Variants in KLF4 observed in about 807,000 individuals in gnomAD.
KLF4 encodes the protein Krueppel-like factor 4.
Under a neutral mutation model 38.0 loss-of-function variants are expected in KLF4, and 14 were observed. The observed-to-expected ratio is 0.37, with a 90% CI of 0.24 to 0.58. The LOEUF (loss-of-function observed/expected upper bound fraction) is 0.58, where lower values mean the gene tolerates loss of function less well. Ranked by LOEUF, KLF4 falls within the 20% of genes least tolerant of loss-of-function variation. The probability of loss-of-function intolerance (pLI) is 0.76; values close to 1 mark genes in which losing one functional copy is unlikely to be tolerated. For missense variants in KLF4, 737 were observed against 670.1 expected (o/e 1.10, Z -1.10); for synonymous variants, 398 against 302.5 (o/e 1.32, Z -3.28).
rs773099650 is a variant in KLF4, at chr9:107,487,582, G to T, written c.812C>A (p.Pro271Gln). The T allele has an allele frequency of 6.3e-6, 10 of 1,579,066 alleles. No homozygotes were observed. The East Asian group carries it at 2.0e-4, about 32-fold the overall frequency. Residue 271 changes from proline to glutamine, a missense_variant, in exon 3 of 5, where the codon CCG becomes CAG. This residue lies in a region of KLF4 where 695 missense variants were observed against 554.5 expected (regional missense o/e 1.25). Coordinates refer to ENST00000374672, the MANE Select transcript of KLF4 (RefSeq NM_004235.6). The surrounding 1 kb of genome is among the most constrained non-coding windows in gnomAD (Gnocchi z 6.1). ...CTGCTTGATCTTGGGGCACGTGCGCGGCGGCCCGCCGTTGTAGGGCGCCAC... is the reference window on the plus strand; with the variant it reads ...CTGCTTGATCTTGGGGCACGTGCGCTGCGGCCCGCCGTTGTAGGGCGCCAC... The part of the protein sequence containing the change: ...VVVAPYNGGP[P>Q]RTCPKIKQEA...
rs1055601652 is a variant in KLF4, at chr9:107,487,143, C to T, written c.1149G>A (p.Arg383=). 1 of 1,614,080 alleles carries T rather than the reference C, an allele frequency of 6.2e-7. No individual in the cohort carries two copies. The highest frequency in any genetic ancestry group is 8.5e-7 in the Non-Finnish European group (1 of 1,180,048). ...SCMPEEPKPK[R]GRRSWPRKRT... is the part of the protein sequence containing the mutation. ...TTTTCCGGGGCCACGATCGTCTTCC[C>T]CTCTTTGGCTTGGGCTCCTCTGGCA... is the stretch of plus-strand genomic sequence containing the variant. Residue 383 remains arginine, a synonymous_variant, in exon 4 of 5, where the codon AGG becomes AGA. Coordinates refer to ENST00000374672, the MANE Select transcript of KLF4 (RefSeq NM_004235.6). This position sits in a 1 kb window ranked among gnomAD's most constrained non-coding sequence, Gnocchi z 6.1.
In KLF4 at chr9:107,487,444, G is replaced by A; in HGVS notation, c.950C>T (p.Pro317Leu). The A allele has an allele frequency of 6.6e-7, 1 of 1,524,848 alleles. No homozygotes were observed. Among genetic ancestry groups the A allele is most frequent in the Non-Finnish European group, 8.8e-7 (1 of 1,137,978 alleles). 94.5% of individuals were successfully genotyped at this position (1,524,848 alleles called of 1,614,324 possible). The stretch of plus-strand genomic sequence containing the variant: ...CAGCACTTCCTCAAGACCCAGGGTC[G>A]GGGTAGTCCTGCTGGGGAGCTGCCG... Reference protein sequence around the residue: ...LGRQLPSRTTPTLGLEEVLSS... With the variant: ...LGRQLPSRTTLTLGLEEVLSS... The change falls in exon 3 of 5, where the codon CCG (proline) becomes CTG (leucine). Residue 317 changes from proline (P) to leucine (L), a missense_variant. By Grantham distance (98) the Pro-to-Leu change is moderately conservative. Transcript: ENST00000374672. This position sits in a 1 kb window ranked among gnomAD's most constrained non-coding sequence, Gnocchi z 6.1.
intron 4 of KLF4, among the ~76,000 whole-genome samples, chr9:107,486,820 A>G (rs377324492): frequency 1.9e-4 from 29 of 152,184 alleles, no homozygotes; most frequent in East Asian, 1.2e-3. Flanking sequence ...GCAGAAAAGT[A>G]GGCGCCGGTT....
rs45493894 is a variant in KLF4 at position 107,485,966 on chromosome 9, A to G, written c.1265-40T>C. Reference sequence around the variant, plus strand: ...GAAAAAAAAAATTGACGCTATTGCTATATCAAAGAATCGCCCCTTTTAAAA... The same window carrying G: ...GAAAAAAAAAATTGACGCTATTGCTGTATCAAAGAATCGCCCCTTTTAAAA... On this transcript the variant is annotated intron_variant, in intron 4 of 4. Coordinates refer to ENST00000374672, the MANE Select transcript of KLF4 (RefSeq NM_004235.6). This position sits in a 1 kb window ranked among gnomAD's most constrained non-coding sequence, Gnocchi z 4.9. The G allele has an allele frequency of 2.1e-4, 331 of 1,575,752 alleles. 2 individuals are homozygous for G. In the African/African-American group the frequency reaches 4.1e-3, roughly 19 times the overall value.
At position 107,487,363 on chromosome 9, in the gene KLF4, G is replaced by C; in HGVS notation, c.1031C>G (p.Pro344Arg). 6.5e-7 allele frequency: 1 copy of C among 1,541,792 alleles called. No homozygotes were observed. The highest frequency in any genetic ancestry group is 8.7e-7 in the Non-Finnish European group (1 of 1,145,456). The change falls in exon 3 of 5, where the codon CCG (proline) becomes CGG (arginine). Residue 344 changes from proline (P) to arginine (R), a missense_variant. By Grantham distance (103) the Pro-to-Arg change is moderately radical. Coordinates refer to ENST00000374672, the MANE Select transcript of KLF4 (RefSeq NM_004235.6). This position sits in a 1 kb window ranked among gnomAD's most constrained non-coding sequence, Gnocchi z 6.1. Reference sequence around the variant, plus strand: ...CAGGAAGGATGGGTAATTGGGCCCCGGGTGGGGATGGAAGCCGGGAGGAAG... The same window carrying C: ...CAGGAAGGATGGGTAATTGGGCCCCCGGTGGGGATGGAAGCCGGGAGGAAG... ...LPLPPGFHPH[P>R]GPNYPSFLPD... is the part of the protein sequence containing the mutation.
rs1435609328 is a variant in KLF4 at position 107,488,035 on chromosome 9, A to C, written c.359T>G (p.Val120Gly). ...CGCTGACGAGGACACGGTGGCGGCC[A>C]CTGACTCCGGAGGATGGGTCAGCGA... Reference protein sequence around the residue: ...SNSLTHPPESVAATVSSSASA... With the variant: ...SNSLTHPPESGAATVSSSASA... The change falls in exon 3 of 5, where the codon GTG becomes GGG. Residue 120 changes from valine to glycine, a missense_variant. Physicochemically the swap from Val to Gly is moderately radical, Grantham distance 109 (BLOSUM62 -3). This residue lies in a region of KLF4 where 695 missense variants were observed against 554.5 expected (regional missense o/e 1.25). Coordinates refer to ENST00000374672, the MANE Select transcript of KLF4 (RefSeq NM_004235.6). The surrounding 1 kb of genome is among the most constrained non-coding windows in gnomAD (Gnocchi z 5.7). 2.5e-6 allele frequency: 4 copies of C among 1,610,796 alleles called. No homozygotes were observed. The highest frequency in any genetic ancestry group is 3.4e-6 in the Non-Finnish European group (4 of 1,179,058).
Position 107,488,653 on chromosome 9 carries a change from C to A in KLF4, c.126+277G>T, listed in dbSNP as rs45563138. On this transcript the variant is annotated intron_variant, in intron 2 of 4. Transcript: ENST00000374672. This position sits in a 1 kb window ranked among gnomAD's most constrained non-coding sequence, Gnocchi z 5.7. ...CCAGTGTCTGGGGACGCGGCCACCT[C>A]CCGCCCGGTGGCCCGAGAGCGCCCG... Among the ~76,000 whole-genome samples, 363 of 152,302 alleles carry A rather than the reference C, an allele frequency of 2.4e-3. 1 individual carries two copies. The highest frequency in any genetic ancestry group is 8.0e-3 in the African/African-American group (332 of 41,592).
At position 107,489,634 on chromosome 9, in the gene KLF4, G is replaced by C. The variant is rs1329627258; in HGVS notation, c.-462C>G. On this transcript the variant is annotated 5_prime_UTR_variant, in exon 1 of 5. Coordinates refer to ENST00000374672, the MANE Select transcript of KLF4 (RefSeq NM_004235.6). ...GCGCGCGGCCATGGGCGCGGGCCAC[G>C]GGCGGGTGGGAGGGTGGGGGGCCAG... The C allele has an allele frequency of 6.2e-6, 1 of 161,246 alleles. No homozygotes were observed. The highest frequency in any genetic ancestry group is 7.3e-5 in the Admixed American group (1 of 13,700). The allele number at this position is 161,246 out of a possible 1,614,324, so 10.0% of individuals were successfully genotyped here.
At position 107,487,899 on chromosome 9, in the gene KLF4, G is replaced by T. The variant is rs781555198; in HGVS notation, c.495C>A (p.Gly165=). ...RAGNDPGVAP[G]GTGGGLLYGR... is the part of the protein sequence containing the mutation. ...CATAGAGGAGGCCTCCGCCCGTGCCGCCCGGCGCCACGCCCGGGTCGTTCC... is the reference window on the plus strand; with the variant it reads ...CATAGAGGAGGCCTCCGCCCGTGCCTCCCGGCGCCACGCCCGGGTCGTTCC... Residue 165 remains glycine, a synonymous_variant, in exon 3 of 5, where the codon GGC becomes GGA. Transcript: ENST00000374672. The surrounding 1 kb of genome is among the most constrained non-coding windows in gnomAD (Gnocchi z 6.1). 5.3e-5 allele frequency: 83 copies of T among 1,561,096 alleles called. No homozygotes were observed. Among genetic ancestry groups the T allele is most frequent in the Non-Finnish European group, 7.0e-5 (81 of 1,153,832 alleles).
chr9:107,485,111 A>C lies in KLF4; in HGVS notation c.*640T>G, dbSNP rs1829037835. 5.0e-6 allele frequency: 1 copy of C among 199,934 alleles called. No homozygotes were observed. The highest frequency in any genetic ancestry group is 2.3e-5 in the African/African-American group (1 of 43,476). 12.4% of individuals were successfully genotyped at this position (199,934 alleles called of 1,614,324 possible). ...CCACAGTGCATAACAGACTGTCTGCATAAAAATGCTAAAGAAGTAAACCAG... is the reference window on the plus strand; with the variant it reads ...CCACAGTGCATAACAGACTGTCTGCCTAAAAATGCTAAAGAAGTAAACCAG... On this transcript the variant is annotated 3_prime_UTR_variant, in exon 5 of 5. Coordinates refer to ENST00000374672, the MANE Select transcript of KLF4 (RefSeq NM_004235.6). The surrounding 1 kb of genome is among the most constrained non-coding windows in gnomAD (Gnocchi z 4.9).
In KLF4 at chr9:107,485,657, G is replaced by A. The variant is rs1564293315; in HGVS notation, c.*94C>T. ...CTTGACCATGATTGTAGTGCTTTCT[G>A]GCTGGGCTCCTTCCCTCATCGGGAA... On this transcript the variant is annotated 3_prime_UTR_variant, in exon 5 of 5. Transcript: ENST00000374672. The surrounding 1 kb of genome is among the most constrained non-coding windows in gnomAD (Gnocchi z 4.9). 3 of 1,244,034 alleles carry A rather than the reference G, an allele frequency of 2.4e-6. No homozygotes were observed. In the South Asian group the frequency reaches 4.9e-5, roughly 20 times the overall value. The allele number at this position is 1,244,034 out of a possible 1,614,324, so 77.1% of individuals were successfully genotyped here. A position where few individuals can be genotyped will look rare whatever the true frequency, so the allele number is the denominator to read the frequency against.
chr9:107,489,166 A>C lies in KLF4; in HGVS notation c.5+2T>G. 2.6e-6 allele frequency: 4 copies of C among 1,525,058 alleles called. No individual in the cohort carries two copies. The highest frequency in any genetic ancestry group is 2.6e-6 in the Non-Finnish European group (3 of 1,132,956). The allele number at this position is 1,525,058 out of a possible 1,614,324, so 94.5% of individuals were successfully genotyped here. A position where few individuals can be genotyped will look rare whatever the true frequency, so the allele number is the denominator to read the frequency against. The stretch of plus-strand genomic sequence containing the variant: ...GCTCCCAGCGCCGCGCGCCTCACCT[A>C]CCTCATTAATGTGGGGGCCCAGAAG... On this transcript the variant is annotated splice_donor_variant, in intron 1 of 4. Transcript: ENST00000374672. LOFTEE classifies it high-confidence loss of function.
chr9:107,485,603 A>T lies in KLF4; in HGVS notation c.*148T>A. ...TTTGGATTCCTCATTTTTCCTGATT[A>T]TCCACTCACAAGATGACTCAGTTGG... On this transcript the variant is annotated 3_prime_UTR_variant, in exon 5 of 5. Coordinates refer to ENST00000374672, the MANE Select transcript of KLF4 (RefSeq NM_004235.6). This position sits in a 1 kb window ranked among gnomAD's most constrained non-coding sequence, Gnocchi z 4.9. 1 of 708,938 alleles carries T rather than the reference A, an allele frequency of 1.4e-6. No homozygotes were observed. The allele number at this position is 708,938 out of a possible 1,614,324, so 43.9% of individuals were successfully genotyped here. A position where few individuals can be genotyped will look rare whatever the true frequency, so the allele number is the denominator to read the frequency against.
chr9:107,487,209 T>C lies in KLF4; in HGVS notation c.1100-17A>G. 8.1e-6 allele frequency: 13 copies of C among 1,613,006 alleles called. No individual in the cohort carries two copies. The highest frequency in any genetic ancestry group is 1.1e-5 in the Non-Finnish European group (13 of 1,179,422). On this transcript the variant is annotated splice_polypyrimidine_tract_variant and intron_variant, in intron 3 of 4. Transcript: ENST00000374672. The surrounding 1 kb of genome is among the most constrained non-coding windows in gnomAD (Gnocchi z 6.1). ...GCATGAGCTCTAGGGGTGAAGAAGG[T>C]GGGGTGAGCATCATCCCGTGTGTCC...
rs1387839860 is a variant in KLF4 at position 107,487,776 on chromosome 9, T to C, written c.618A>G (p.Pro206=). The change falls in exon 3 of 5, where the codon CCA becomes CCG. Residue 206 remains proline (P), a synonymous_variant. Transcript: ENST00000374672. The surrounding 1 kb of genome is among the most constrained non-coding windows in gnomAD (Gnocchi z 6.1). The part of the protein sequence containing the change: ...SGGFVAELLR[P]ELDPVYIPPQ... ...GCGGAATGTACACCGGGTCCAATTC[T>C]GGCCGCAGGAGCTCGGCCACGAAGC... The C allele has an allele frequency of 6.4e-7, 1 of 1,550,406 alleles. No homozygotes were observed. The highest frequency in any genetic ancestry group is 1.2e-5 in the South Asian group (1 of 84,998).
In KLF4 at chr9:107,484,858, T is replaced by C; in HGVS notation, c.*893A>G. ...AAAACAATAAAAAACATTATTCAGA[T>C]AAAATATTATAGGTTTATTTAAAAC... On this transcript the variant is annotated 3_prime_UTR_variant, in exon 5 of 5. Coordinates refer to ENST00000374672, the MANE Select transcript of KLF4 (RefSeq NM_004235.6). The C allele has an allele frequency of 5.4e-6, 1 of 183,652 alleles. No homozygotes were observed. Among genetic ancestry groups the C allele is most frequent in the East Asian group, 8.8e-5 (1 of 11,336 alleles). The allele number at this position is 183,652 out of a possible 1,614,324, so 11.4% of individuals were successfully genotyped here.
In KLF4 at chr9:107,487,478, G is replaced by C. The variant is rs1221024853; in HGVS notation, c.916C>G (p.Pro306Ala). Residue 306 changes from proline (P) to alanine (A), a missense_variant, in exon 3 of 5, where the codon CCC (proline) becomes GCC (alanine). By Grantham distance (27) the Pro-to-Ala change is conservative. Coordinates refer to ENST00000374672, the MANE Select transcript of KLF4 (RefSeq NM_004235.6). This position sits in a 1 kb window ranked among gnomAD's most constrained non-coding sequence, Gnocchi z 6.1. ...NGHRPAAHDF[P>A]LGRQLPSRTT... ...CTGCTGGGGAGCTGCCGCCCCAGGG[G>C]GAAGTCGTGTGCAGCCGGCCGGTGG... 6.5e-7 allele frequency: 1 copy of C among 1,541,666 alleles called. No individual in the cohort carries two copies.
chr9:107,487,782 C>T lies in KLF4; in HGVS notation c.612G>A (p.Leu204=). The T allele has an allele frequency of 6.5e-7, 1 of 1,546,016 alleles. No individual in the cohort carries two copies. ...TGTACACCGGGTCCAATTCTGGCCG[C>T]AGGAGCTCGGCCACGAAGCCGCCCG... ...SPSGGFVAEL[L]RPELDPVYIP... Residue 204 remains leucine (L), a synonymous_variant, in exon 3 of 5, where the codon CTG becomes CTA. Transcript: ENST00000374672. The surrounding 1 kb of genome is among the most constrained non-coding windows in gnomAD (Gnocchi z 6.1).
Position 107,489,180 on chromosome 9 carries a change from G to T in KLF4, c.-8C>A. On this transcript the variant is annotated 5_prime_UTR_variant, in exon 1 of 5. Transcript: ENST00000374672. ...GCGCCTCACCTACCTCATTAATGTG[G>T]GGGCCCAGAAGGTCCTCGGCAGCCC... The T allele has an allele frequency of 6.6e-7, 1 of 1,512,844 alleles. No homozygotes were observed. 93.7% of individuals were successfully genotyped at this position (1,512,844 alleles called of 1,614,324 possible). A position where few individuals can be genotyped will look rare whatever the true frequency, so the allele number is the denominator to read the frequency against.
Sources: gnomAD v4.1 joint callset for allele counts (sites outside exome capture counted in the v4.1 genomes callset) on GRCh38, gnomAD v4.1.1 for gene constraint, gnomAD v4.1.1 regional missense constraint, Gnocchi (gnomAD v3.1) non-coding constraint, MANE v1.5 for transcripts, NCBI Gene and HGNC (gene_info 2026-07-23, HGNC 2026-07-21) for gene names.